HEG1: variants seen among roughly 807,000 people sequenced by gnomAD.
HEG1 encodes the protein heart development protein with EGF like domains 1.
In HEG1, 56 loss-of-function variants were observed where a neutral mutation model predicts 125.6. The observed-to-expected ratio is 0.45, with a 90% confidence interval of 0.36 to 0.56. The LOEUF is 0.56. Among genes scored for constraint, HEG1 ranks in the 20% least tolerant of loss-of-function variants. HEG1 has a pLI of 0.00. For missense variants in HEG1, 1,523 were observed against 1,670.0 expected, an observed-to-expected ratio of 0.91 and a Z score of 1.53; for synonymous variants, 644 against 668.5, an observed-to-expected ratio of 0.96 and a Z score of 0.57.
chr3:124,971,043 C>T, intron 16 of HEG1: 1 of 600,550 alleles, frequency 1.7e-6, no homozygotes, highest in Non-Finnish European at 3.1e-6. Flanking sequence ...AGGAACTGAC[C>T]TTTATAAGGT....
At position 125,055,903 on chromosome 3, in the gene HEG1, C is replaced by G. The variant is rs1443754736; in HGVS notation, c.-13G>C. 7 of 979,382 alleles carry G rather than the reference C, an allele frequency of 7.1e-6. No homozygotes were observed. Among genetic ancestry groups the G allele is most frequent in the Non-Finnish European group, 8.5e-6 (7 of 827,014 alleles). 60.7% of individuals were successfully genotyped at this position (979,382 alleles called of 1,614,324 possible). On this transcript the variant is annotated 5_prime_UTR_variant, in exon 1 of 17. Transcript: ENST00000311127. ...GCGGCGAGGCCATGGTGACGGCGCCCGCCCGCGCTCACATGCCCGGCGCGC... is the reference window on the plus strand; with the variant it reads ...GCGGCGAGGCCATGGTGACGGCGCCGGCCCGCGCTCACATGCCCGGCGCGC...
chr3:125,017,070 T>C (rs892855281), intron 5 of HEG1, among the ~76,000 whole-genome samples: 13 of 152,144 alleles, frequency 8.5e-5, no homozygotes, highest in African/African-American at 3.1e-4. Flanking sequence ...TTTTTTTTTT[T>C]TTTTGAGACA....
chr3:125,036,603 C>A (rs953856326), intron 1 of HEG1, among the ~76,000 whole-genome samples: 2 of 152,134 alleles, frequency 1.3e-5, no homozygotes, highest in African/African-American at 4.8e-5. Context: ...GCATCCTTAA[C>A]ACATAAAGAA....
At chr3:125,027,147 T>C (rs1937425751) in intron 3 of HEG1, 58 bp downstream of exon 3, 17 of 1,433,566 alleles carry the variant, frequency 1.2e-5, no homozygotes, top group Non-Finnish European at 1.5e-5. Context: ...GCTATGCACA[T>C]TGATTTATGT....
intron 3 of HEG1, among the ~76,000 whole-genome samples, 194 bp downstream of exon 3, chr3:125,027,011 G>A (rs532594904): frequency 6.6e-6 from 1 of 152,224 alleles, no homozygotes; most frequent in South Asian, 2.1e-4. Context: ...TAAACATGAG[G>A]CTCAATACTG....
At position 125,005,350 on chromosome 3, in the gene HEG1, T is replaced by G. The variant is rs1248179959; in HGVS notation, c.3212A>C (p.Glu1071Ala). The G allele has an allele frequency of 6.3e-7, 1 of 1,577,744 alleles. No individual in the cohort carries two copies. Among genetic ancestry groups the G allele is most frequent in the Admixed American group, 1.8e-5 (1 of 55,040 alleles). Residue 1071 changes from glutamate to alanine, a missense_variant, in exon 9 of 17, where the codon GAG becomes GCG. By Grantham distance (107) the Glu-to-Ala change is moderately radical (BLOSUM62 -1). Coordinates refer to ENST00000311127, the MANE Select transcript of HEG1 (RefSeq NM_020733.2). ...ICNLVRTFVT[E>A]FKLKRTFLNT... ...AAGAAAAGTTCTCTTTAATTTAAACTCTGTCACGAAGGTTCTAACTGAAAA... is the reference window on the plus strand; with the variant it reads ...AAGAAAAGTTCTCTTTAATTTAAACGCTGTCACGAAGGTTCTAACTGAAAA...
chr3:125,035,234 G>C (rs1220944264), intron 1 of HEG1, among the ~76,000 whole-genome samples: 1 of 151,786 alleles, frequency 6.6e-6, no homozygotes, highest in African/African-American at 2.4e-5. Flanking sequence ...ACAAAGTGTG[G>C]GGCTTACAGA....
chr3:125,001,709 A>C (rs1419663471), intron 11 of HEG1, 143 bp downstream of exon 11: 1 of 781,516 alleles, frequency 1.3e-6, no homozygotes, highest in African/African-American at 1.8e-5. Flanking sequence ...GCATGTGCAC[A>C]AAGGTCTTTG....
At chr3:124,979,955 T>TA (rs776360843) in intron 14 of HEG1, among the ~76,000 whole-genome samples, 7 of 152,300 alleles carry the variant, frequency 4.6e-5, no homozygotes, top group Non-Finnish European at 1.0e-4. Flanking sequence ...ACCTGGCTAT[T>TA]ACGTAAAACC....
At chr3:124,990,920 A>T in intron 13 of HEG1, 24 bp downstream of exon 13, 1 of 1,555,346 alleles carries the variant, frequency 6.4e-7, no homozygotes, top group South Asian at 1.2e-5. Context: ...TAACAAAATT[A>T]GACTAAATCA....
chr3:124,986,512 AAG>A (rs1192462073), intron 14 of HEG1, among the ~76,000 whole-genome samples: 1 of 152,208 alleles, frequency 6.6e-6, no homozygotes, highest in African/African-American at 2.4e-5. Context: ...ACCTCAGAGA[AAG>A]AGGCAGGTGG....
intron 8 of HEG1, among the ~76,000 whole-genome samples, chr3:125,006,998 G>A (rs1268246789): frequency 6.6e-6 from 1 of 151,900 alleles, no homozygotes; most frequent in Non-Finnish European, 1.5e-5. Context: ...AGGAGATCGA[G>A]ACCATCCCGG....
chr3:124,989,635 C>T (rs140050664), intron 14 of HEG1, among the ~76,000 whole-genome samples: 31 of 152,214 alleles, frequency 2.0e-4, no homozygotes, highest in African/African-American at 6.8e-4. Flanking sequence ...ACGCCCCGCT[C>T]ACAGTCCCCA....
intron 11 of HEG1, 109 bp downstream of exon 11, chr3:125,001,743 G>C: frequency 8.3e-7 from 1 of 1,204,306 alleles, no homozygotes; most frequent in Admixed American, 2.6e-5. Context: ...GCCAAAAATA[G>C]GCTCTGTGAG....
intron 7 of HEG1, 38 bp downstream of exon 7, chr3:125,010,401 C>T: frequency 1.5e-6 from 2 of 1,316,968 alleles, no homozygotes; most frequent in Non-Finnish European, 1.1e-6. Flanking sequence ...CAACGTGGTA[C>T]TGTGGTGCAG....
At chr3:125,019,174 C>T (rs373792675) in intron 5 of HEG1, 88 bp downstream of exon 5, 52 of 1,135,288 alleles carry the variant, frequency 4.6e-5, no homozygotes, top group East Asian at 3.2e-4. Flanking sequence ...GGCCCTCATG[C>T]GTGGTTTTAA....
intron 8 of HEG1, among the ~76,000 whole-genome samples, chr3:125,008,203 C>T (rs1292961266): frequency 6.6e-6 from 1 of 152,210 alleles, no homozygotes; most frequent in Admixed American, 6.5e-5. Context: ...AGCCACTACA[C>T]CAGGCCAGAA....
intron 3 of HEG1, among the ~76,000 whole-genome samples, chr3:125,023,843 T>G (rs537091932): frequency 2.0e-5 from 3 of 152,316 alleles, no homozygotes; most frequent in Non-Finnish European, 4.4e-5. Flanking sequence ...GAATGCCTAC[T>G]CGTCTGCTAA....
At chr3:125,006,845 C>G (rs1366354516) in intron 8 of HEG1, among the ~76,000 whole-genome samples, 2 of 152,208 alleles carry the variant, frequency 1.3e-5, no homozygotes, top group African/African-American at 4.8e-5. Flanking sequence ...GAACAATGGT[C>G]CTGCTTCTTC....
Sources: allele counts gnomAD v4.1 joint callset (sites outside exome capture counted in the v4.1 genomes callset), GRCh38; gene constraint gnomAD v4.1.1; transcripts MANE v1.5; gene names NCBI Gene and HGNC (gene_info 2026-07-23, HGNC 2026-07-21).